KCNH1: variants seen among roughly 807,000 people sequenced by gnomAD.
KCNH1 encodes voltage-gated delayed rectifier potassium channel KCNH1.
Under a neutral mutation model 69.2 loss-of-function variants are expected in KCNH1, and 27 were observed. The observed-to-expected ratio is 0.39, with a 90% confidence interval of 0.29 to 0.54. KCNH1 has a LOEUF of 0.54. Ranked by LOEUF, KCNH1 falls within the 20% of genes least tolerant of loss-of-function variation. KCNH1 has a pLI of 0.68. For missense variants in KCNH1, 798 were observed against 1,261.6 expected, an observed-to-expected ratio of 0.63 and a Z score of 5.57; for synonymous variants, 456 against 487.7, an observed-to-expected ratio of 0.93 and a Z score of 0.86.
chr1:210,760,786 G>A (rs1036294026), intron 10 of KCNH1, among the ~76,000 whole-genome samples: 4 of 152,152 alleles, frequency 2.6e-5, no homozygotes, highest in Non-Finnish European at 5.9e-5. Flanking sequence ...GATCTCATGA[G>A]ACTTATTCAC....
At chr1:211,055,310 C>G (rs113599569) in intron 5 of KCNH1, among the ~76,000 whole-genome samples, 2 of 152,258 alleles carry the variant, frequency 1.3e-5, no homozygotes, top group African/African-American at 4.8e-5. Context: ...GCTGCCCTGT[C>G]AGTGGAAAGT....
intron 10 of KCNH1, among the ~76,000 whole-genome samples, chr1:210,766,417 C>T (rs1372571273): frequency 6.6e-6 from 1 of 151,986 alleles, no homozygotes; most frequent in Non-Finnish European, 1.5e-5. Context: ...TCCAGCTACT[C>T]AGAAGGCTGA....
intron 5 of KCNH1, among the ~76,000 whole-genome samples, chr1:211,075,015 A>T (rs371705711): frequency 8.5e-5 from 13 of 152,370 alleles, no homozygotes; most frequent in African/African-American, 2.9e-4. Context: ...AGAGAAAATG[A>T]CATTTGGGCA....
chr1:211,040,696 G>A (rs1689980585), intron 5 of KCNH1, among the ~76,000 whole-genome samples: 1 of 152,192 alleles, frequency 6.6e-6, no homozygotes, highest in Non-Finnish European at 1.5e-5. Context: ...AGAATGGTCA[G>A]AGATCATAAT....
intron 1 of KCNH1, among the ~76,000 whole-genome samples, chr1:211,117,057 T>C (rs2102494563): frequency 6.6e-6 from 1 of 152,306 alleles, no homozygotes; most frequent in African/African-American, 2.4e-5. Flanking sequence ...ACTTTCTTGA[T>C]TCCTAGCACT....
intron 3 of KCNH1, among the ~76,000 whole-genome samples, chr1:211,099,879 C>A (rs1277312310): frequency 6.6e-6 from 1 of 152,150 alleles, no homozygotes; most frequent in Non-Finnish European, 1.5e-5. Context: ...CGCTCCATCT[C>A]CTCCATAGCC....
chr1:210,879,399 T>C (rs967755346), intron 7 of KCNH1, among the ~76,000 whole-genome samples: 10 of 151,942 alleles, frequency 6.6e-5, no homozygotes, highest in African/African-American at 2.4e-4. Flanking sequence ...ATAAAAATAA[T>C]TATACGGCAA....
chr1:210,760,319 G>GA (rs969055909), intron 10 of KCNH1, among the ~76,000 whole-genome samples: 45 of 152,300 alleles, frequency 3.0e-4, no homozygotes, highest in African/African-American at 1.0e-3. Context: ...GTATTAGTGT[G>GA]AAAACCATCA....
At position 211,029,272 on chromosome 1, in the gene KCNH1, G is replaced by A. The variant is rs545754231; in HGVS notation, c.559-10016C>T. On this transcript the variant is annotated intron_variant, in intron 5 of 10. Transcript: ENST00000271751. ...CACTTGAGCCCAGGAGTTCGAGGCT[G>A]CAGTGAGCTAGCATCACAGCACCAC... Among the ~76,000 whole-genome samples the A allele has an allele frequency of 3.1e-4, 41 of 134,372 alleles. 1 individual carries two copies. The highest frequency in any genetic ancestry group is 1.2e-3 in the African/African-American group (41 of 34,984). 88.2% of individuals were successfully genotyped at this position (134,372 alleles called of 152,430 possible). A position where few individuals can be genotyped will look rare whatever the true frequency, so the allele number is the denominator to read the frequency against.
chr1:211,118,248 G>T (rs1467558774), intron 1 of KCNH1, among the ~76,000 whole-genome samples: 1 of 152,188 alleles, frequency 6.6e-6, no homozygotes, highest in Non-Finnish European at 1.5e-5. Flanking sequence ...GTGTATATAT[G>T]TATCTTTTAC....
At chr1:210,946,713 GC>G (rs780591841) in intron 6 of KCNH1, among the ~76,000 whole-genome samples, 4 of 151,864 alleles carry the variant, frequency 2.6e-5, no homozygotes, top group Admixed American at 6.6e-5. Context: ...CTTCTCTCCC[GC>G]CGTGTTCTCA....
intron 10 of KCNH1, among the ~76,000 whole-genome samples, chr1:210,721,279 T>C (rs879657193): frequency 2.6e-5 from 4 of 152,166 alleles, no homozygotes; most frequent in Non-Finnish European, 4.4e-5. Flanking sequence ...ACCCAGGCCC[T>C]ACTGCTGTAG....
intron 10 of KCNH1, among the ~76,000 whole-genome samples, chr1:210,689,080 C>T (rs1681472419): frequency 6.6e-6 from 1 of 152,208 alleles, no homozygotes; most frequent in Non-Finnish European, 1.5e-5. Context: ...TGCTGCTGTG[C>T]CTTGCTCATC....
intron 6 of KCNH1, among the ~76,000 whole-genome samples, chr1:210,988,431 C>A (rs755023531): frequency 5.5e-4 from 83 of 151,986 alleles, no homozygotes; most frequent in Admixed American, 2.6e-4. Context: ...GCTCCTCCCC[C>A]TATGCGAGAA....
chr1:211,098,151 C>CAAAAAA (rs1691191721), intron 3 of KCNH1, among the ~76,000 whole-genome samples: 1 of 151,680 alleles, frequency 6.6e-6, no homozygotes, highest in Non-Finnish European at 1.5e-5. Context: ...AACCCCGACT[C>CAAAAAA]TACAAAAATA....
At chr1:210,975,743 G>C (rs563139392) in intron 6 of KCNH1, among the ~76,000 whole-genome samples, 7 of 152,244 alleles carry the variant, frequency 4.6e-5, no homozygotes, top group Admixed American at 6.5e-5. Context: ...AGCCAAAATT[G>C]ACAAATGGGA....
At chr1:211,088,035 G>A (rs1558599373) in intron 4 of KCNH1, among the ~76,000 whole-genome samples, 1 of 152,122 alleles carries the variant, frequency 6.6e-6, no homozygotes, top group African/African-American at 2.4e-5. Context: ...CTATCAGGAT[G>A]CACCCACCCC....
At chr1:210,882,500 G>A (rs573096754) in intron 7 of KCNH1, among the ~76,000 whole-genome samples, 7 of 152,208 alleles carry the variant, frequency 4.6e-5, no homozygotes, top group African/African-American at 9.6e-5. Flanking sequence ...AATAGCCCTC[G>A]GAAATCAACA....
chr1:210,769,118 G>T (rs1405359523), intron 10 of KCNH1, among the ~76,000 whole-genome samples: 1 of 152,110 alleles, frequency 6.6e-6, no homozygotes, highest in Non-Finnish European at 1.5e-5. Flanking sequence ...GGAAAATATG[G>T]GCTATGCAGA....
Sources: gnomAD v4.1 joint callset for allele counts (sites outside exome capture counted in the v4.1 genomes callset) on GRCh38, gnomAD v4.1.1 for gene constraint, MANE v1.5 for transcripts, NCBI Gene and HGNC (gene_info 2026-07-23, HGNC 2026-07-21) for gene names.